The following CDH4 variants were observed in gnomAD, a reference collection of about 807,000 sequenced individuals.
CDH4 encodes cadherin 4, also known as cadherin-4.
A neutral mutation model predicts 86.0 loss-of-function variants in CDH4; 33 were observed. The ratio of observed to expected loss-of-function variants is 0.38; its 90% CI spans 0.29 to 0.51. CDH4 has a LOEUF of 0.51. CDH4 is among the 20% of genes least tolerant of loss of function. The pLI, the probability that CDH4 is intolerant of heterozygous loss-of-function variation, is 0.86. For missense variants in CDH4, 1,114 were observed against 1,307.4 expected, an observed-to-expected ratio of 0.85 and a Z score of 2.28; for synonymous variants, 555 against 549.4, an observed-to-expected ratio of 1.01 and a Z score of -0.14.
chr20:61,322,897 A>G (rs555922988), intron 2 of CDH4, among the ~76,000 whole-genome samples: 34 of 152,280 alleles, frequency 2.2e-4, no homozygotes, highest in Non-Finnish European at 4.7e-4. Context: ...AACAGGCTCT[A>G]TCCCTGGTGT....
rs1044132669 is a variant in CDH4, at chr20:61,829,758, T to G, written c.577-14910T>G. ...GGGTGGGTGACTGTGGGACCCTTGC[T>G]CAGCCTCCAGCTTTGGGGCTGATGG... is the stretch of plus-strand genomic sequence containing the variant. On this transcript the variant is annotated intron_variant, in intron 4 of 15. Coordinates refer to ENST00000614565, the MANE Select transcript of CDH4 (RefSeq NM_001794.5). This position sits in a 1 kb window ranked among gnomAD's most constrained non-coding sequence, Gnocchi z 4.2. 2.6e-5 allele frequency among the ~76,000 whole-genome samples: 4 copies of G among 152,072 alleles called. No individual in the cohort carries two copies. The highest frequency in any genetic ancestry group is 4.4e-5 in the Non-Finnish European group (3 of 68,000).
intron 2 of CDH4, among the ~76,000 whole-genome samples, chr20:61,689,920 G>A (rs2087633909): frequency 7.1e-6 from 1 of 141,302 alleles, no homozygotes; most frequent in Non-Finnish European, 1.5e-5. Flanking sequence ...CTGGGACGGT[G>A]GTTGGTGAGG....
At chr20:61,616,738 T>C (rs762207747) in intron 2 of CDH4, among the ~76,000 whole-genome samples, 12 of 152,192 alleles carry the variant, frequency 7.9e-5, no homozygotes, top group Non-Finnish European at 1.8e-4. Flanking sequence ...AAAATGGTCA[T>C]AGCCAGGTGG....
intron 2 of CDH4, among the ~76,000 whole-genome samples, chr20:61,558,026 AGTTAT>A (rs1280833449): frequency 6.6e-6 from 1 of 152,174 alleles, no homozygotes; most frequent in African/African-American, 2.4e-5. Flanking sequence ...GAATGAGAAC[AGTTAT>A]GTTTTCAAGC....
chr20:61,736,352 T>C (rs1311971167), intron 2 of CDH4, among the ~76,000 whole-genome samples: 1 of 152,172 alleles, frequency 6.6e-6, no homozygotes, highest in Non-Finnish European at 1.5e-5. Flanking sequence ...GAGCCTTCTC[T>C]GGAACCTCAT....
In CDH4 at chr20:61,811,683, T is replaced by A. The variant is rs1980443196; in HGVS notation, c.577-32985T>A. Among the ~76,000 whole-genome samples, 1 of 64,038 alleles carries A rather than the reference T, an allele frequency of 1.6e-5. No homozygotes were observed. The highest frequency in any genetic ancestry group is 5.6e-5 in the African/African-American group (1 of 17,736). The allele number at this position is 64,038 out of a possible 152,430, so 42.0% of individuals were successfully genotyped here. ...TCACGCCCCTGGCTGCCTACTGAGC[T>A]TTTTTTTTTTTTTTTTTGAGTTGGC... On this transcript the variant is annotated intron_variant, in intron 4 of 15. Coordinates refer to ENST00000614565, the MANE Select transcript of CDH4 (RefSeq NM_001794.5). This position sits in a 1 kb window ranked among gnomAD's most constrained non-coding sequence, Gnocchi z 4.4.
chr20:61,505,431 AG>A (rs1442512547), intron 2 of CDH4, among the ~76,000 whole-genome samples: 1 of 152,208 alleles, frequency 6.6e-6, no homozygotes, highest in African/African-American at 2.4e-5. Flanking sequence ...AAAGGTTCTG[AG>A]GGCGACTCTC....
intron 2 of CDH4, among the ~76,000 whole-genome samples, chr20:61,692,247 GTGTATGTGTGTGTC>G (rs1265387965): frequency 7.0e-5 from 7 of 100,316 alleles, no homozygotes; most frequent in Non-Finnish European, 1.8e-4. Flanking sequence ...ATGTATGTGT[GTGTATGTGTGTGTC>G]TGTATGTGTG....
chr20:61,499,974 C>T (rs539000949), intron 2 of CDH4, among the ~76,000 whole-genome samples: 4 of 152,274 alleles, frequency 2.6e-5, no homozygotes, highest in East Asian at 1.9e-4. Flanking sequence ...GCGCAGCTTA[C>T]ATGTCCCTGA....
At chr20:61,497,238 C>T (rs2085669518) in intron 2 of CDH4, among the ~76,000 whole-genome samples, 3 of 151,990 alleles carry the variant, frequency 2.0e-5, no homozygotes, top group Non-Finnish European at 2.9e-5. Flanking sequence ...GGGGTGGAGT[C>T]GGGTCTAACA....
intron 3 of CDH4, among the ~76,000 whole-genome samples, chr20:61,769,134 G>A: frequency 6.6e-6 from 1 of 152,200 alleles, no homozygotes; most frequent in Non-Finnish European, 1.5e-5. Flanking sequence ...CAGGCTGCCT[G>A]CCCTCGTGCA....
chr20:61,846,866 C>G (rs1600707683), intron 5 of CDH4, among the ~76,000 whole-genome samples: 1 of 151,906 alleles, frequency 6.6e-6, no homozygotes, highest in East Asian at 2.0e-4. Context: ...CCAAGGGGCA[C>G]CAGGAGAGCT....
At chr20:61,533,099 G>T (rs990568138) in intron 2 of CDH4, among the ~76,000 whole-genome samples, 3 of 152,150 alleles carry the variant, frequency 2.0e-5, no homozygotes, top group African/African-American at 7.2e-5. Flanking sequence ...GACCCTGAGA[G>T]TGAAAGCCGA....
intron 10 of CDH4, 84 bp downstream of exon 10, chr20:61,923,788 A>G: frequency 6.6e-7 from 1 of 1,513,522 alleles, no homozygotes; most frequent in Non-Finnish European, 8.9e-7. Context: ...CATGAAACCC[A>G]CAGCCCAGAA....
At chr20:61,466,584 C>T (rs1472129875) in intron 2 of CDH4, among the ~76,000 whole-genome samples, 1 of 152,028 alleles carries the variant, frequency 6.6e-6, no homozygotes, top group African/African-American at 2.4e-5. Flanking sequence ...TGGTTCATGC[C>T]TATAATCTTA....
chr20:61,328,000 G>A (rs1044426565), intron 2 of CDH4, among the ~76,000 whole-genome samples: 2 of 152,106 alleles, frequency 1.3e-5, no homozygotes, highest in African/African-American at 4.8e-5. Flanking sequence ...GTGGGAGATG[G>A]ACTGTATGTT....
chr20:61,666,387 T>C (rs1016570694), intron 2 of CDH4, among the ~76,000 whole-genome samples: 2 of 152,210 alleles, frequency 1.3e-5, no homozygotes, highest in Admixed American at 1.3e-4. Context: ...ACTGCGTCCC[T>C]GCAGCCCGAA....
chr20:61,716,806 G>A (rs1465722106), intron 2 of CDH4, among the ~76,000 whole-genome samples: 1 of 152,186 alleles, frequency 6.6e-6, no homozygotes, highest in Non-Finnish European at 1.5e-5. Flanking sequence ...TACTAAGGAG[G>A]CTGAAGCAGG....
chr20:61,449,392 C>T (rs1490254792), intron 2 of CDH4, among the ~76,000 whole-genome samples: 1 of 152,232 alleles, frequency 6.6e-6, no homozygotes, highest in East Asian at 1.9e-4. Context: ...AGGCTAGCCT[C>T]CACTCTTCCC....
Sources: gnomAD v4.1 joint callset for allele counts (sites outside exome capture counted in the v4.1 genomes callset) on GRCh38, gnomAD v4.1.1 for gene constraint, Gnocchi (gnomAD v3.1) non-coding constraint, MANE v1.5 for transcripts, NCBI Gene and HGNC (gene_info 2026-07-23, HGNC 2026-07-21) for gene names.